The following LRP1B variants were observed in gnomAD, a reference collection of about 807,000 sequenced individuals.
The protein encoded by LRP1B is low-density lipoprotein receptor-related protein 1B.
A neutral mutation model predicts 556.6 loss-of-function variants in LRP1B; 217 were observed. That is an observed-to-expected ratio of 0.39 (90% CI 0.35 to 0.44). LRP1B has a LOEUF of 0.44. Among genes scored for constraint, LRP1B ranks in the 20% least tolerant of loss-of-function variants. The pLI, the probability that LRP1B is intolerant of heterozygous loss-of-function variation, is 1.00. For synonymous variants in LRP1B, 2,047 were observed against 1,865.8 expected (o/e 1.10, Z -2.50); for missense variants, 5,053 against 5,620.8 (o/e 0.90, Z 3.23).
At position 140,283,387 on chromosome 2, in the gene LRP1B, T is replaced by G. The variant is rs1288908301; in HGVS notation, c.12968-8789A>C. Among the ~76,000 whole-genome samples, 3 of 151,738 alleles carry G rather than the reference T, an allele frequency of 2.0e-5. No homozygotes were observed. The South Asian group carries it at 6.2e-4, about 31-fold the overall frequency. On this transcript the variant is annotated intron_variant, in intron 84 of 90. Coordinates refer to ENST00000389484, the MANE Select transcript of LRP1B (RefSeq NM_018557.3). ...TAAATCCAGGTATGCCAATTAAATA[T>G]TCACTGAGGAAAAAATGCCTGCAAA... is the stretch of plus-strand genomic sequence containing the variant.
rs183946995 is a variant in LRP1B at position 141,334,744 on chromosome 2, G to T, written c.344-80103C>A. On this transcript the variant is annotated intron_variant, in intron 3 of 90. Transcript: ENST00000389484. ...TTTTTGTATTTTTAGTAGAGACAGG[G>T]TTTCGCCATATTAGCTAGGCTGGTC... Among the ~76,000 whole-genome samples, 13 of 152,220 alleles carry T rather than the reference G, an allele frequency of 8.5e-5. No individual in the cohort carries two copies. In the East Asian group the frequency reaches 1.5e-3, roughly 18 times the overall value.
intron 1 of LRP1B, among the ~76,000 whole-genome samples, chr2:142,074,983 C>T (rs1448119993): frequency 3.3e-5 from 5 of 152,060 alleles, no homozygotes; most frequent in South Asian, 4.1e-4. Flanking sequence ...TTCTAGCTCC[C>T]TGCGATTATA....
At chr2:141,790,496 G>A (rs13002800) in intron 2 of LRP1B, among the ~76,000 whole-genome samples, 28,422 of 151,664 alleles carry the variant, frequency 0.19, 3,133 homozygotes, top group East Asian at 0.38. Flanking sequence ...CTGTTCAGGT[G>A]CCCTCATTTC....
intron 3 of LRP1B, among the ~76,000 whole-genome samples, chr2:141,339,305 A>AAAAAAAAG (rs1559015712): frequency 6.7e-6 from 1 of 149,858 alleles, no homozygotes. Flanking sequence ...TAACGCAAAA[A>AAAAAAAAG]AAAAAAAAAG....
intron 1 of LRP1B, among the ~76,000 whole-genome samples, chr2:142,041,333 T>C (rs1451823170): frequency 4.0e-5 from 6 of 151,386 alleles, no homozygotes; most frequent in Non-Finnish European, 5.9e-5. Context: ...TAGTTAGTCA[T>C]GTGGAAGCTG....
chr2:140,613,485 T>C (rs948355921), intron 41 of LRP1B, among the ~76,000 whole-genome samples: 1 of 147,128 alleles, frequency 6.8e-6, no homozygotes, highest in East Asian at 2.0e-4. Flanking sequence ...GTGAGTGCAC[T>C]CCAAGGCTTT....
At chr2:141,060,994 C>T (rs1309181322) in intron 8 of LRP1B, among the ~76,000 whole-genome samples, 1 of 151,700 alleles carries the variant, frequency 6.6e-6, no homozygotes, top group African/African-American at 2.4e-5. Context: ...TATTTGAACT[C>T]CCTATCTTCA....
At chr2:140,332,073 T>C (rs1319429319) in intron 79 of LRP1B, among the ~76,000 whole-genome samples, 1 of 152,054 alleles carries the variant, frequency 6.6e-6, no homozygotes, top group Non-Finnish European at 1.5e-5. Context: ...AGCTAATAAA[T>C]AATCCCTTGA....
At chr2:141,712,854 T>TTTTTTTC (rs1692416839) in intron 2 of LRP1B, among the ~76,000 whole-genome samples, 1 of 146,124 alleles carries the variant, frequency 6.8e-6, no homozygotes, top group African/African-American at 2.5e-5. Flanking sequence ...TTTTTTTTTT[T>TTTTTTTC]TTTTTAGTAG....
At chr2:141,515,854 C>G (rs746303649) in intron 2 of LRP1B, among the ~76,000 whole-genome samples, 1 of 152,128 alleles carries the variant, frequency 6.6e-6, no homozygotes, top group African/African-American at 2.4e-5. Flanking sequence ...GTGAACTGTA[C>G]TTAAGAATGT....
At chr2:140,770,148 G>A in intron 34 of LRP1B, among the ~76,000 whole-genome samples, 1 of 151,614 alleles carries the variant, frequency 6.6e-6, no homozygotes, top group East Asian at 1.9e-4. Flanking sequence ...TCTTAAATGG[G>A]GATAATAAGA....
At chr2:141,061,099 T>G (rs1239623855) in intron 8 of LRP1B, among the ~76,000 whole-genome samples, 1 of 151,644 alleles carries the variant, frequency 6.6e-6, no homozygotes, top group Non-Finnish European at 1.5e-5. Context: ...AACTAAGAGC[T>G]TTGAAAGGAA....
intron 1 of LRP1B, among the ~76,000 whole-genome samples, chr2:141,834,090 G>C (rs527538219): frequency 6.6e-6 from 1 of 151,962 alleles, no homozygotes; most frequent in South Asian, 2.1e-4. Context: ...TGCCTGGTAG[G>C]GAGTTCAAAA....
intron 29 of LRP1B, among the ~76,000 whole-genome samples, chr2:140,843,762 C>T (rs895427612): frequency 6.6e-6 from 1 of 152,086 alleles, no homozygotes; most frequent in Non-Finnish European, 1.5e-5. Context: ...CTCCACCTGC[C>T]TAATTCAATA....
chr2:141,620,010 T>G (rs927062329), intron 2 of LRP1B, among the ~76,000 whole-genome samples: 1 of 152,176 alleles, frequency 6.6e-6, no homozygotes, highest in African/African-American at 2.4e-5. Flanking sequence ...CTGGAGAGCG[T>G]GGTGCAATCA....
chr2:140,281,199 CT>C (rs1682898713), intron 84 of LRP1B, among the ~76,000 whole-genome samples: 1 of 151,864 alleles, frequency 6.6e-6, no homozygotes, highest in African/African-American at 2.4e-5. Context: ...GTAATAGACT[CT>C]ACATAAAAAT....
At chr2:141,981,785 A>T (rs1702048374) in intron 1 of LRP1B, among the ~76,000 whole-genome samples, 1 of 152,122 alleles carries the variant, frequency 6.6e-6, no homozygotes, top group South Asian at 2.1e-4. Context: ...TAGTCCTTAT[A>T]CAGAGGATAT....
At chr2:141,240,784 T>C (rs538645354) in intron 5 of LRP1B, among the ~76,000 whole-genome samples, 1 of 152,066 alleles carries the variant, frequency 6.6e-6, no homozygotes, top group Non-Finnish European at 1.5e-5. Context: ...CCACGTAATT[T>C]TTCATACTCA....
intron 41 of LRP1B, among the ~76,000 whole-genome samples, chr2:140,649,832 A>T (rs2105317628): frequency 6.6e-6 from 1 of 152,338 alleles, no homozygotes; most frequent in South Asian, 2.1e-4. Context: ...CCTTAAGAAG[A>T]CAGTATAATA....
Sources: gnomAD v4.1 joint callset for allele counts (sites outside exome capture counted in the v4.1 genomes callset) on GRCh38, gnomAD v4.1.1 for gene constraint, MANE v1.5 for transcripts, NCBI Gene and HGNC (gene_info 2026-07-23, HGNC 2026-07-21) for gene names.